Variants in QTRT2 observed in about 807,000 individuals in gnomAD.
QTRT2 encodes the protein queuine tRNA-ribosyltransferase accessory subunit 2, also known as queuine tRNA-ribosyltransferase domain containing 1.
A neutral mutation model predicts 44.8 loss-of-function variants in QTRT2; 32 were observed. The ratio of observed to expected loss-of-function variants is 0.71; its 90% CI spans 0.54 to 0.96. The LOEUF (loss-of-function observed/expected upper bound fraction) is 0.96. Among genes scored for constraint, QTRT2 ranks in the 40% least tolerant of loss-of-function variants. The pLI is 0.00. For missense variants in QTRT2, 461 were observed against 503.1 expected (o/e 0.92, Z 0.80); for synonymous variants, 182 against 187.4 (o/e 0.97, Z 0.24).
chr3:114,080,104 C>G, intron 8 of QTRT2, 47 bp downstream of exon 8: 1 of 1,503,678 alleles, frequency 6.7e-7, no homozygotes, highest in Non-Finnish European at 8.9e-7. Flanking sequence ...TCTTCCATTT[C>G]CTGTTAATTT....
At chr3:114,061,025 A>C (rs2076880595) in intron 2 of QTRT2, among the ~76,000 whole-genome samples, 1 of 152,200 alleles carries the variant, frequency 6.6e-6, no homozygotes, top group South Asian at 2.1e-4. Flanking sequence ...ATGCAATTTC[A>C]AACTTATGTT....
rs772584821 is a variant in QTRT2 at position 114,070,824 on chromosome 3, C to T, written c.532C>T (p.Gln178Ter). 4.3e-6 allele frequency: 7 copies of T among 1,613,650 alleles called. No homozygotes were observed. The Admixed American group carries it at 1.2e-4, about 27-fold the overall frequency. The change falls in exon 6 of 10, where the codon CAG becomes TAG. Residue 178 changes from glutamine to a stop codon, truncating the protein, a stop_gained. Transcript: ENST00000281273. LOFTEE classifies it high-confidence loss of function. The part of the protein sequence containing the change: ...LLFLDNCLRL[Q>*]EESEVLQKSV... Reference sequence around the variant, plus strand: ...TTTCTTGGATAACTGTCTGCGGCTGCAGGAAGAGTCAGAGGTAAGGCTGTG... The same window carrying T: ...TTTCTTGGATAACTGTCTGCGGCTGTAGGAAGAGTCAGAGGTAAGGCTGTG...
At chr3:114,084,964 A>G (rs2077216167) in intron 9 of QTRT2, among the ~76,000 whole-genome samples, 1 of 152,228 alleles carries the variant, frequency 6.6e-6, no homozygotes, top group Admixed American at 6.5e-5. Flanking sequence ...GAAGTCTACC[A>G]TGTCTTTTGA....
intron 2 of QTRT2, among the ~76,000 whole-genome samples, chr3:114,061,069 C>CCT (rs2107784258): frequency 6.6e-6 from 1 of 152,248 alleles, no homozygotes; most frequent in Non-Finnish European, 1.5e-5. Flanking sequence ...TATGTTTGGA[C>CCT]CTCGGATGTC....
At chr3:114,082,830 G>A in intron 9 of QTRT2, 36 bp downstream of exon 9, 2 of 947,706 alleles carry the variant, frequency 2.1e-6, no homozygotes, top group Non-Finnish European at 3.3e-6. Flanking sequence ...TTTGCTTTCT[G>A]ACTTCTGAAT....
intron 9 of QTRT2, 60 bp from the exon 10 acceptor site, chr3:114,085,613 G>A: frequency 1.5e-6 from 2 of 1,366,536 alleles, no homozygotes; most frequent in East Asian, 2.3e-5. Context: ...ATAGATAGCT[G>A]AGGTTGTGGA....
chr3:114,062,572 A>G (rs945515409), intron 2 of QTRT2, among the ~76,000 whole-genome samples: 2 of 152,132 alleles, frequency 1.3e-5, no homozygotes, highest in African/African-American at 2.4e-5. Flanking sequence ...CAGTATTTCT[A>G]AAGTCTAATG....
intron 6 of QTRT2, among the ~76,000 whole-genome samples, chr3:114,071,472 T>C (rs2077023388): frequency 1.3e-5 from 2 of 152,152 alleles, no homozygotes; most frequent in South Asian, 4.1e-4. Context: ...CTAATTTTTG[T>C]ATTTTTAGTA....
At chr3:114,083,705 T>C (rs1013241058) in intron 9 of QTRT2, among the ~76,000 whole-genome samples, 1 of 152,180 alleles carries the variant, frequency 6.6e-6, no homozygotes, top group Non-Finnish European at 1.5e-5. Flanking sequence ...TATGAAAGAA[T>C]GTGAAAATCC....
At chr3:114,077,632 A>G (rs1475095654) in intron 7 of QTRT2, 2 of 151,808 alleles carry the variant, frequency 1.3e-5, no homozygotes, top group Non-Finnish European at 2.9e-5. Flanking sequence ...CTGCATGTAT[A>G]TTAAGAAGTT....
At chr3:114,075,402 G>A (rs1430645498) in intron 6 of QTRT2, among the ~76,000 whole-genome samples, 2 of 151,684 alleles carry the variant, frequency 1.3e-5, no homozygotes, top group Non-Finnish European at 2.9e-5. Flanking sequence ...TTAGAGTATT[G>A]GTTGGAGCTC....
At chr3:114,060,504 A>G (rs58828389) in intron 2 of QTRT2, among the ~76,000 whole-genome samples, 3,317 of 46,032 alleles carry the variant, frequency 0.072, 83 homozygotes, top group African/African-American at 0.15. Flanking sequence ...AGGTAGATAG[A>G]TAGATAGATA....
At chr3:114,064,061 A>G (rs2076921434) in intron 2 of QTRT2, among the ~76,000 whole-genome samples, 1 of 152,118 alleles carries the variant, frequency 6.6e-6, no homozygotes, top group African/African-American at 2.4e-5. Flanking sequence ...CTACAAATAC[A>G]AAAGTCATCT....
chr3:114,063,411 T>C (rs916589941), intron 2 of QTRT2, among the ~76,000 whole-genome samples: 2 of 152,352 alleles, frequency 1.3e-5, no homozygotes, highest in African/African-American at 4.8e-5. Context: ...CTTATAAGTA[T>C]AGTTTTACAG....
Position 114,068,052 on chromosome 3 carries a change from G to T in QTRT2, c.322G>T (p.Val108Leu). 6.2e-7 allele frequency: 1 copy of T among 1,613,762 alleles called. No homozygotes were observed. Among genetic ancestry groups the T allele is most frequent in the Non-Finnish European group, 8.5e-7 (1 of 1,179,752 alleles). The change falls in exon 5 of 10, where the codon GTA becomes TTA. Residue 108 changes from valine to leucine, a missense_variant. By Grantham distance (32) the Val-to-Leu change is conservative (BLOSUM62 1). Coordinates refer to ENST00000281273, the MANE Select transcript of QTRT2 (RefSeq NM_024638.4). ...AGTCAGCCCCTGCCCGGCTGGTTAT[G>T]TAACAAACAAGGTGTGTTTTCAGAA... ...DPVSPCPAGY[V>L]TNKSVSVWSV...
rs762723642 is a variant in QTRT2, at chr3:114,086,086, T to G, written c.*182T>G. ...GGGTGAAGAGATTTCCTCAAAAGAC[T>G]TAAATGACCTGGATTGATCAGAGAG... On this transcript the variant is annotated 3_prime_UTR_variant, in exon 10 of 10. Coordinates refer to ENST00000281273, the MANE Select transcript of QTRT2 (RefSeq NM_024638.4). 4 of 577,920 alleles carry G rather than the reference T, an allele frequency of 6.9e-6. No homozygotes were observed. The highest frequency in any genetic ancestry group is 1.2e-5 in the Non-Finnish European group (4 of 325,616). The allele number at this position is 577,920 out of a possible 1,614,324, so 35.8% of individuals were successfully genotyped here. A position where few individuals can be genotyped will look rare whatever the true frequency, so the allele number is the denominator to read the frequency against.
intron 4 of QTRT2, among the ~76,000 whole-genome samples, chr3:114,067,484 A>G (rs1025607007): frequency 1.3e-5 from 2 of 152,214 alleles, no homozygotes; most frequent in African/African-American, 4.8e-5. Context: ...ATCGTGAATC[A>G]ATGAAACTTA....
intron 8 of QTRT2, among the ~76,000 whole-genome samples, chr3:114,082,315 T>C (rs1364623634): frequency 2.0e-5 from 3 of 151,878 alleles, no homozygotes; most frequent in African/African-American, 7.3e-5. Context: ...ACTCCTGACC[T>C]CAGGCAATTC....
At chr3:114,062,246 G>C (rs1454396423) in intron 2 of QTRT2, among the ~76,000 whole-genome samples, 2 of 151,784 alleles carry the variant, frequency 1.3e-5, no homozygotes, top group African/African-American at 4.8e-5. Flanking sequence ...TTGGGCACCT[G>C]TGGTCTCAGC....
Sources: allele counts gnomAD v4.1 joint callset (sites outside exome capture counted in the v4.1 genomes callset), GRCh38; gene constraint gnomAD v4.1.1; transcripts MANE v1.5; gene names NCBI Gene and HGNC (gene_info 2026-07-23, HGNC 2026-07-21).